CD2AP: variants seen among roughly 807,000 people sequenced by gnomAD.
CD2AP encodes the protein CD2-associated protein.
CD2AP carries 46 observed loss-of-function variants against 85.1 expected under a neutral mutation model. The ratio of observed to expected loss-of-function variants is 0.54; its 90% CI spans 0.43 to 0.69. The LOEUF is 0.69. Ranked by LOEUF, CD2AP falls within the 30% of genes least tolerant of loss-of-function variation. The probability of loss-of-function intolerance (pLI) is 0.00; values close to 1 mark genes in which losing one functional copy is unlikely to be tolerated. For missense variants in CD2AP, 769 were observed against 729.5 expected, an observed-to-expected ratio of 1.05 and a Z score of -0.62; for synonymous variants, 255 against 252.9, an observed-to-expected ratio of 1.01 and a Z score of -0.08.
At chr6:47,623,795 C>T (rs1277412766) in intron 17 of CD2AP, among the ~76,000 whole-genome samples, 6 of 151,970 alleles carry the variant, frequency 3.9e-5, no homozygotes, top group Admixed American at 3.9e-4. Flanking sequence ...TGGAACTAAA[C>T]AGGTCTCTAT....
chr6:47,569,809 T>C (rs1768101646), intron 5 of CD2AP, among the ~76,000 whole-genome samples: 2 of 152,156 alleles, frequency 1.3e-5, no homozygotes, highest in African/African-American at 2.4e-5. Flanking sequence ...CAAGGTATTA[T>C]ACAGTTTACC....
chr6:47,513,407 G>A (rs1007229173), intron 2 of CD2AP, among the ~76,000 whole-genome samples: 1 of 152,044 alleles, frequency 6.6e-6, no homozygotes, highest in Admixed American at 6.5e-5. Flanking sequence ...ATTTGTTTTC[G>A]TTTATAGTGT....
At chr6:47,622,161 C>T (rs555400675) in intron 17 of CD2AP, among the ~76,000 whole-genome samples, 1 of 152,258 alleles carries the variant, frequency 6.6e-6, no homozygotes, top group East Asian at 1.9e-4. Flanking sequence ...CCAGCTCCCA[C>T]GCAAACTGAA....
intron 2 of CD2AP, among the ~76,000 whole-genome samples, chr6:47,532,640 T>C (rs1385856246): frequency 6.6e-6 from 1 of 152,172 alleles, no homozygotes; most frequent in African/African-American, 2.4e-5. Context: ...AGTAGCACAT[T>C]GTCTAATTCT....
At chr6:47,541,495 T>C (rs1767215134) in intron 3 of CD2AP, among the ~76,000 whole-genome samples, 1 of 152,196 alleles carries the variant, frequency 6.6e-6, no homozygotes, top group Non-Finnish European at 1.5e-5. Context: ...TTAATTGCTT[T>C]AGGAAGGGGA....
chr6:47,529,916 C>T (rs572864391), intron 2 of CD2AP, among the ~76,000 whole-genome samples: 1 of 152,324 alleles, frequency 6.6e-6, no homozygotes, highest in South Asian at 2.1e-4. Flanking sequence ...TCCTTCCATG[C>T]TCCAGGCAAA....
chr6:47,570,325 G>T (rs1352142057), intron 5 of CD2AP, among the ~76,000 whole-genome samples: 2 of 152,118 alleles, frequency 1.3e-5, no homozygotes, highest in Admixed American at 1.3e-4. Context: ...TCGATAGACA[G>T]ATTTGCTGTT....
Position 47,574,141 on chromosome 6 carries a change from C to A in CD2AP, c.619C>A (p.Gln207Lys). The change falls in exon 6 of 18, where the codon CAG becomes AAG. Residue 207 changes from glutamine (Q) to lysine (K), a missense_variant. Gln to Lys is a moderately conservative substitution (Grantham distance 53, BLOSUM62 1). Transcript: ENST00000359314. ...VSETASGSVT[Q>K]PKKIRGIGFG... ...TGAAACTGCATCTGGATCAGTTACA[C>A]AGCCAAAGAAAATTCGAGGAATTGG... 6.2e-7 allele frequency: 1 copy of A among 1,613,938 alleles called. No individual in the cohort carries two copies. Among genetic ancestry groups the A allele is most frequent in the Non-Finnish European group, 8.5e-7 (1 of 1,179,898 alleles).
intron 2 of CD2AP, among the ~76,000 whole-genome samples, chr6:47,527,106 T>TCCC (rs11439961): frequency 2.7e-4 from 38 of 141,642 alleles, no homozygotes; most frequent in African/African-American, 7.4e-4. Flanking sequence ...AATAAAAGAC[T>TCCC]CCCCCCCGAT....
rs1767899252 is a variant in CD2AP at position 47,562,887 on chromosome 6, G to A, written c.541+8121G>A. The A allele has an allele frequency of 4.1e-6, 3 of 723,962 alleles. No homozygotes were observed. In the Admixed American group the frequency reaches 5.4e-5, roughly 13 times the overall value. 44.8% of individuals were successfully genotyped at this position (723,962 alleles called of 1,614,324 possible). ...ACAACAAGCAACTGTAGGGGAATGG[G>A]TAGGCCTCTGTAAAATTGACAGAGA... On this transcript the variant is annotated intron_variant, in intron 5 of 17. Transcript: ENST00000359314.
At position 47,583,882 on chromosome 6, in the gene CD2AP, T is replaced by A. The variant is rs915009978; in HGVS notation, c.1108+1817T>A. Among the ~76,000 whole-genome samples the A allele has an allele frequency of 1.2e-4, 19 of 152,356 alleles. 1 individual carries two copies. In the East Asian group the frequency reaches 3.7e-3, roughly 29 times the overall value. On this transcript the variant is annotated intron_variant, in intron 11 of 17. Coordinates refer to ENST00000359314, the MANE Select transcript of CD2AP (RefSeq NM_012120.3). ...CTGAACCATTTTGTACTCCCCCTAGTAATCAGTGAGAATTTCTGTTCTACG... is the reference window on the plus strand; with the variant it reads ...CTGAACCATTTTGTACTCCCCCTAGAAATCAGTGAGAATTTCTGTTCTACG...
At position 47,609,236 on chromosome 6, in the gene CD2AP, C is replaced by A; in HGVS notation, c.1746C>A (p.Ser582=). The change falls in exon 16 of 18, where the codon TCC becomes TCA. Residue 582 remains serine (S), a synonymous_variant. Transcript: ENST00000359314. ...AAACAGATGATGTGAAAAAAAATTC[C>A]CTGGATGAACTTAGAGCCCAGATTA... is the stretch of plus-strand genomic sequence containing the variant. ...KVETDDVKKN[S]LDELRAQIIE... is the part of the protein sequence containing the mutation. The A allele has an allele frequency of 6.2e-7, 1 of 1,613,446 alleles. No homozygotes were observed. The highest frequency in any genetic ancestry group is 8.5e-7 in the Non-Finnish European group (1 of 1,179,710).
In CD2AP at chr6:47,595,974, G is replaced by A; in HGVS notation, c.1222G>A (p.Val408Met). 6.2e-7 allele frequency: 1 copy of A among 1,612,980 alleles called. No homozygotes were observed. Among genetic ancestry groups the A allele is most frequent in the Non-Finnish European group, 8.5e-7 (1 of 1,179,232 alleles). ...ASNLLRSSGT[V>M]YPKRPEKPVP... ...TAATTTACTGAGATCTTCTGGAACA[G>A]TGTACCCAAAGCGACCTGAAAAACC... The change falls in exon 12 of 18, where the codon GTG becomes ATG. Residue 408 changes from valine (V) to methionine (M), a missense_variant. Coordinates refer to ENST00000359314, the MANE Select transcript of CD2AP (RefSeq NM_012120.3).
chr6:47,581,991 T>G lies in CD2AP; in HGVS notation c.1046-12T>G, dbSNP rs374501674. The G allele has an allele frequency of 2.5e-6, 4 of 1,581,034 alleles. No homozygotes were observed. Among genetic ancestry groups the G allele is most frequent in the Non-Finnish European group, 3.5e-6 (4 of 1,150,132 alleles). On this transcript the variant is annotated splice_polypyrimidine_tract_variant and intron_variant, in intron 10 of 17. Coordinates refer to ENST00000359314, the MANE Select transcript of CD2AP (RefSeq NM_012120.3). ...TGTCTTCTTAAAAAAGTATTAATGT[T>G]TTTTCCCATAGCTCCAAAGCCTGAA...
intron 11 of CD2AP, among the ~76,000 whole-genome samples, chr6:47,589,563 C>CATATATATATATAT (rs1346907208): frequency 1.3e-4 from 6 of 46,596 alleles, no homozygotes; most frequent in Non-Finnish European, 3.2e-4. Flanking sequence ...CACACACACA[C>CATATATATATATAT]ACATATATAT....
chr6:47,550,152 A>G (rs1355650951), intron 4 of CD2AP, among the ~76,000 whole-genome samples: 3 of 152,214 alleles, frequency 2.0e-5, no homozygotes, highest in Non-Finnish European at 4.4e-5. Flanking sequence ...TGACTTTGGC[A>G]AGGATTTTGT....
At chr6:47,478,735 T>TC (rs1765374518) in intron 1 of CD2AP, among the ~76,000 whole-genome samples, 1 of 152,156 alleles carries the variant, frequency 6.6e-6, no homozygotes, top group Non-Finnish European at 1.5e-5. Context: ...TTTTTTTTTT[T>TC]CCTGCTGAAA....
At chr6:47,484,789 G>A (rs1293325009) in intron 1 of CD2AP, among the ~76,000 whole-genome samples, 1 of 152,158 alleles carries the variant, frequency 6.6e-6, no homozygotes, top group Non-Finnish European at 1.5e-5. Context: ...CTTAGCTTAG[G>A]TTCTTTTTGA....
At chr6:47,520,958 A>C (rs904014576) in intron 2 of CD2AP, among the ~76,000 whole-genome samples, 1 of 152,070 alleles carries the variant, frequency 6.6e-6, no homozygotes, top group African/African-American at 2.4e-5. Context: ...AAAGAATATT[A>C]GTGAACTCAC....
Sources: allele counts gnomAD v4.1 joint callset (sites outside exome capture counted in the v4.1 genomes callset), GRCh38; gene constraint gnomAD v4.1.1; transcripts MANE v1.5; gene names NCBI Gene and HGNC (gene_info 2026-07-23, HGNC 2026-07-21).